Variants in DNAJC6 observed in about 807,000 individuals in gnomAD.
The protein encoded by DNAJC6 is auxilin.
A neutral mutation model predicts 110.0 loss-of-function variants in DNAJC6; 34 were observed. The observed-to-expected ratio is 0.31, with a 90% CI of 0.24 to 0.41. The LOEUF is 0.41. Among genes scored for constraint, DNAJC6 ranks in the 10% least tolerant of loss-of-function variants. DNAJC6 has a pLI of 1.00. For synonymous variants in DNAJC6, 406 were observed against 437.2 expected, an observed-to-expected ratio of 0.93 and a Z score of 0.89; for missense variants, 1,031 against 1,207.8, an observed-to-expected ratio of 0.85 and a Z score of 2.17.
At chr1:65,375,126 G>C (rs972100590) in intron 4 of DNAJC6, among the ~76,000 whole-genome samples, 1 of 151,902 alleles carries the variant, frequency 6.6e-6, no homozygotes, top group Non-Finnish European at 1.5e-5. Flanking sequence ...ACTATGCCCG[G>C]TTAATTTTTG....
intron 4 of DNAJC6, among the ~76,000 whole-genome samples, chr1:65,371,599 A>T (rs6588137): frequency 6.6e-6 from 1 of 152,176 alleles, no homozygotes; most frequent in East Asian, 1.9e-4. Context: ...CTGTAGAAGC[A>T]TTCATTCCTA....
chr1:65,338,318 T>C (rs1442085490), intron 1 of DNAJC6, among the ~76,000 whole-genome samples: 1 of 152,200 alleles, frequency 6.6e-6, no homozygotes, highest in African/African-American at 2.4e-5. Flanking sequence ...ATACCAACAC[T>C]ATCACCAAAA....
intron 4 of DNAJC6, among the ~76,000 whole-genome samples, chr1:65,371,475 A>G (rs1332520249): frequency 2.0e-5 from 3 of 152,188 alleles, no homozygotes; most frequent in Non-Finnish European, 1.5e-5. Context: ...AGTAGCTATG[A>G]TTAACATTGG....
chr1:65,269,280 A>AT (rs953743145), intron 1 of DNAJC6, among the ~76,000 whole-genome samples: 1 of 151,952 alleles, frequency 6.6e-6, no homozygotes, highest in African/African-American at 2.4e-5. Flanking sequence ...AGACAAGAGA[A>AT]TCGCTTGAAC....
intron 1 of DNAJC6, among the ~76,000 whole-genome samples, chr1:65,283,420 T>A (rs1368723850): frequency 6.6e-6 from 1 of 152,226 alleles, no homozygotes; most frequent in African/African-American, 2.4e-5. Flanking sequence ...ATTGCCTTTT[T>A]TTTACTCAGC....
At chr1:65,330,788 A>C (rs1170080298) in intron 1 of DNAJC6, among the ~76,000 whole-genome samples, 1 of 152,170 alleles carries the variant, frequency 6.6e-6, no homozygotes, top group Non-Finnish European at 1.5e-5. Context: ...TTTCTTGCTC[A>C]TATAAAAGTC....
intron 5 of DNAJC6, among the ~76,000 whole-genome samples, chr1:65,382,125 A>C (rs1036749244): frequency 1.3e-5 from 2 of 152,208 alleles, no homozygotes; most frequent in Admixed American, 1.3e-4. Context: ...CACAATTCTG[A>C]GAAAGTTTTG....
chr1:65,312,365 T>C (rs933309292), intron 1 of DNAJC6, among the ~76,000 whole-genome samples: 2 of 152,244 alleles, frequency 1.3e-5, no homozygotes, highest in Non-Finnish European at 2.9e-5. Context: ...CTTTTACTAG[T>C]ACAACTATAT....
At chr1:65,341,373 A>AT (rs1645387949) in intron 1 of DNAJC6, among the ~76,000 whole-genome samples, 1 of 152,154 alleles carries the variant, frequency 6.6e-6, no homozygotes, top group African/African-American at 2.4e-5. Flanking sequence ...TGTCACCTGC[A>AT]TTTTTTGGAG....
chr1:65,308,348 G>A (rs1008630608), upstream of DNAJC6, among the ~76,000 whole-genome samples: 1 of 152,174 alleles, frequency 6.6e-6, no homozygotes, highest in Non-Finnish European at 1.5e-5. Flanking sequence ...GCCTCACTTA[G>A]TCCCTCCAAG....
At chr1:65,358,392 T>G (rs1416786651) in intron 1 of DNAJC6, among the ~76,000 whole-genome samples, 1 of 152,178 alleles carries the variant, frequency 6.6e-6, no homozygotes, top group Non-Finnish European at 1.5e-5. Flanking sequence ...CTGTAGGACC[T>G]GGGGTGAATC....
Position 65,365,909 on chromosome 1 carries a change from C to T in DNAJC6, c.369C>T (p.Phe123=), listed in dbSNP as rs2101558001. Residue 123 remains phenylalanine (F), a synonymous_variant, in exon 3 of 19, where the codon TTC becomes TTT. Coordinates refer to ENST00000371069, the MANE Select transcript of DNAJC6 (RefSeq NM_001256864.2). ...VTSYTKGDLD[F]TYVTSRIIVM... ...GCTACACAAAGGGAGATTTAGACTTCACTTATGTTACCTCCAGAATTATTG... is the reference window on the plus strand; with the variant it reads ...GCTACACAAAGGGAGATTTAGACTTTACTTATGTTACCTCCAGAATTATTG... 6.2e-7 allele frequency: 1 copy of T among 1,613,546 alleles called. No homozygotes were observed. Among genetic ancestry groups the T allele is most frequent in the Non-Finnish European group, 8.5e-7 (1 of 1,179,676 alleles).
At chr1:65,264,776 T>C in exon 1 of DNAJC6, 4 of 1,476,434 alleles carry the variant, frequency 2.7e-6, no homozygotes, top group Middle Eastern at 2.3e-4. Flanking sequence ...TGCATGCAAT[T>C]ATCATAGCCC....
chr1:65,365,067 T>C (rs1477580364), intron 2 of DNAJC6, among the ~76,000 whole-genome samples: 1 of 152,168 alleles, frequency 6.6e-6, no homozygotes, highest in Non-Finnish European at 1.5e-5. Context: ...CTGCCCTTGT[T>C]AACTAAGAGC....
rs201993938 is a variant in DNAJC6 at position 65,332,462 on chromosome 1, T to C, written c.193+22524T>C. On this transcript the variant is annotated intron_variant, in intron 1 of 18. Transcript: ENST00000371069. ...AAAAGAGGCAAGAAATAAACTAATA[T>C]CATGTTTGAGTCTTACATATTTTGG... is the stretch of plus-strand genomic sequence containing the variant. 3.9e-5 allele frequency among the ~76,000 whole-genome samples: 6 copies of C among 152,286 alleles called. No homozygotes were observed. The East Asian group carries it at 1.2e-3, about 29-fold the overall frequency.
chr1:65,290,611 G>C (rs1031731603), intron 1 of DNAJC6, among the ~76,000 whole-genome samples: 2 of 152,092 alleles, frequency 1.3e-5, no homozygotes, highest in Non-Finnish European at 2.9e-5. Context: ...CTTCGGCAAG[G>C]CAGTTAGCAT....
chr1:65,322,384 T>C (rs1645205105), intron 1 of DNAJC6, among the ~76,000 whole-genome samples: 1 of 152,240 alleles, frequency 6.6e-6, no homozygotes, highest in Admixed American at 6.5e-5. Flanking sequence ...CATCCAATCA[T>C]ATATATAATG....
At chr1:65,298,609 C>A (rs536483855) in intron 1 of DNAJC6, 2 of 151,536 alleles carry the variant, frequency 1.3e-5, no homozygotes, top group East Asian at 1.9e-4. Flanking sequence ...TTTTTTTAAC[C>A]GTTCAAAGTG....
At chr1:65,288,102 G>C (rs1381411064) in intron 1 of DNAJC6, among the ~76,000 whole-genome samples, 2 of 152,100 alleles carry the variant, frequency 1.3e-5, no homozygotes, top group African/African-American at 2.4e-5. Flanking sequence ...CTTCTGTTGG[G>C]GTTGGGGAAT....
Sources: gnomAD v4.1 joint callset for allele counts (sites outside exome capture counted in the v4.1 genomes callset) on GRCh38, gnomAD v4.1.1 for gene constraint, MANE v1.5 for transcripts, NCBI Gene and HGNC (gene_info 2026-07-23, HGNC 2026-07-21) for gene names.